The following AKIRIN1 variants were observed in gnomAD, a reference collection of about 807,000 sequenced individuals.
AKIRIN1 encodes the protein akirin 1.
AKIRIN1 carries 4 observed loss-of-function variants against 25.9 expected under a neutral mutation model. The ratio of observed to expected loss-of-function variants is 0.15; its 90% confidence interval spans 0.08 to 0.35. The LOEUF (loss-of-function observed/expected upper bound fraction) is 0.35, where lower values mean the gene tolerates loss of function less well. Ranked by LOEUF, AKIRIN1 falls within the 10% of genes least tolerant of loss-of-function variation. The pLI is 1.00. For synonymous variants in AKIRIN1, 125 were observed against 105.1 expected, an observed-to-expected ratio of 1.19 and a Z score of -1.16; for missense variants, 243 against 266.1, an observed-to-expected ratio of 0.91 and a Z score of 0.61.
chr1:39,001,908 T>C (rs1399897082), intron 3 of AKIRIN1, among the ~76,000 whole-genome samples: 1 of 152,190 alleles, frequency 6.6e-6, no homozygotes, highest in African/African-American at 2.4e-5. Context: ...GTCATAGTTA[T>C]GGATGTGGCG....
chr1:39,002,372 G>A (rs1451445533), intron 3 of AKIRIN1, among the ~76,000 whole-genome samples: 1 of 152,148 alleles, frequency 6.6e-6, no homozygotes, highest in Non-Finnish European at 1.5e-5. Context: ...GAGCTGTTGG[G>A]TTAAGCAAAG....
In AKIRIN1 at chr1:38,998,329, T is replaced by C. The variant is rs1376944625; in HGVS notation, c.361+18T>C. ...CTCTCCAGGTAAGCCCACTTTGATCTGCAAAATTCGCATTAAGAGTTTGTA... is the reference window on the plus strand; with the variant it reads ...CTCTCCAGGTAAGCCCACTTTGATCCGCAAAATTCGCATTAAGAGTTTGTA... On this transcript the variant is annotated intron_variant, in intron 2 of 4. Coordinates refer to ENST00000432648, the MANE Select transcript of AKIRIN1 (RefSeq NM_024595.3). The C allele has an allele frequency of 6.3e-7, 1 of 1,585,122 alleles. No individual in the cohort carries two copies.
In AKIRIN1 at chr1:38,998,155, G is replaced by C. The variant is rs374110853; in HGVS notation, c.221-16G>C. The stretch of plus-strand genomic sequence containing the variant: ...GACAATAAAGTGAAAGCTCAAGTTT[G>C]TTTCTTTTTTATTAGAGCAAATTTT... On this transcript the variant is annotated splice_polypyrimidine_tract_variant and intron_variant, in intron 1 of 4. Coordinates refer to ENST00000432648, the MANE Select transcript of AKIRIN1 (RefSeq NM_024595.3). 3.1e-5 allele frequency: 49 copies of C among 1,598,962 alleles called. No homozygotes were observed. The African/African-American group carries it at 5.9e-4, about 19-fold the overall frequency.
intron 1 of AKIRIN1, among the ~76,000 whole-genome samples, chr1:38,993,457 TAA>T (rs938656724): frequency 7.0e-6 from 1 of 143,752 alleles, no homozygotes. Context: ...GACTCCATCT[TAA>T]AAAAAAAAAA....
At chr1:38,993,102 T>C (rs966814436) in intron 1 of AKIRIN1, among the ~76,000 whole-genome samples, 3 of 152,374 alleles carry the variant, frequency 2.0e-5, no homozygotes, top group Middle Eastern at 3.4e-3. Context: ...TTGGAGTTCA[T>C]ACTTGCGCTA....
At chr1:39,002,676 G>A (rs1404935204) in intron 3 of AKIRIN1, among the ~76,000 whole-genome samples, 2 of 151,958 alleles carry the variant, frequency 1.3e-5, no homozygotes, top group African/African-American at 4.8e-5. Flanking sequence ...GTTGCAGTGA[G>A]CCAAGGTTGC....
At chr1:38,993,631 C>CAAA (rs529279921) in intron 1 of AKIRIN1, among the ~76,000 whole-genome samples, 2 of 109,010 alleles carry the variant, frequency 1.8e-5, no homozygotes, top group Admixed American at 2.0e-4. Context: ...AACTCCATCT[C>CAAA]AAAAAAAAAA....
chr1:38,992,207 G>A (rs1643911846), intron 1 of AKIRIN1, among the ~76,000 whole-genome samples: 1 of 152,100 alleles, frequency 6.6e-6, no homozygotes, highest in African/African-American at 2.4e-5. Flanking sequence ...GCTTGAAATC[G>A]GTAGATCATT....
chr1:39,005,787 A>G lies in AKIRIN1; in HGVS notation c.*1732A>G, dbSNP rs1001646764. The G allele has an allele frequency of 4.6e-5, 7 of 152,172 alleles. No homozygotes were observed. The highest frequency in any genetic ancestry group is 1.7e-4 in the African/African-American group (7 of 41,438). 9.4% of individuals were successfully genotyped at this position (152,172 alleles called of 1,614,324 possible). A position where few individuals can be genotyped will look rare whatever the true frequency, so the allele number is the denominator to read the frequency against. ...GATTCCTTATTAATGAATGTCTTTG[A>G]CTTAAATCTAACCAAAAACTGCAAC... On this transcript the variant is annotated 3_prime_UTR_variant, in exon 5 of 5. Transcript: ENST00000432648.
chr1:38,991,846 C>T (rs1372327451), intron 1 of AKIRIN1, among the ~76,000 whole-genome samples: 1 of 152,100 alleles, frequency 6.6e-6, no homozygotes, highest in Non-Finnish European at 1.5e-5. Flanking sequence ...GGGGTGGACA[C>T]CAAGAGGAAG....
chr1:38,997,332 AC>A (rs1643955216), intron 1 of AKIRIN1, among the ~76,000 whole-genome samples: 1 of 152,100 alleles, frequency 6.6e-6, no homozygotes, highest in South Asian at 2.1e-4. Context: ...CTTTGTGATT[AC>A]CTTGACTTAT....
At chr1:39,000,406 T>G (rs1487301088) in intron 2 of AKIRIN1, among the ~76,000 whole-genome samples, 3 of 150,422 alleles carry the variant, frequency 2.0e-5, no homozygotes, top group African/African-American at 7.3e-5. Flanking sequence ...TGCATGCAGT[T>G]GTGTGATCTC....
chr1:39,000,907 A>G (rs1643986171), intron 2 of AKIRIN1, 65 bp from the exon 3 acceptor site: 1 of 1,507,160 alleles, frequency 6.6e-7, no homozygotes, highest in Non-Finnish European at 8.9e-7. Flanking sequence ...TTGGCCTCCC[A>G]AAGTGCTGGG....
intron 3 of AKIRIN1, among the ~76,000 whole-genome samples, chr1:39,002,293 A>G (rs1423457081): frequency 2.0e-5 from 3 of 152,140 alleles, no homozygotes; most frequent in Non-Finnish European, 4.4e-5. Flanking sequence ...CTGTAACACT[A>G]TTGTTTCCTA....
At chr1:39,001,332 G>C (rs1410592726) in intron 3 of AKIRIN1, among the ~76,000 whole-genome samples, 1 of 147,218 alleles carries the variant, frequency 6.8e-6, no homozygotes, top group Non-Finnish European at 1.5e-5. Context: ...TATTTTCCAG[G>C]CTGACACCAC....
chr1:39,001,545 C>A (rs1242563670), intron 3 of AKIRIN1, among the ~76,000 whole-genome samples: 2 of 151,856 alleles, frequency 1.3e-5, no homozygotes, highest in African/African-American at 2.4e-5. Flanking sequence ...GGATTACAGG[C>A]GTGAGCCACC....
rs777962584 is a variant in AKIRIN1, at chr1:39,003,392, G to A, written c.542G>A (p.Arg181Gln). 8.7e-6 allele frequency: 14 copies of A among 1,613,772 alleles called. No individual in the cohort carries two copies. Among genetic ancestry groups the A allele is most frequent in the Middle Eastern group, 1.7e-4 (1 of 6,060 alleles). Reference sequence around the variant, plus strand: ...AAATTCACACATGATCAGATTATGCGACGGTATGGGACAAGGCCAACAAGC... The same window carrying A: ...AAATTCACACATGATCAGATTATGCAACGGTATGGGACAAGGCCAACAAGC... ...FVKFTHDQIM[R>Q]RYGTRPTSYV... is the part of the protein sequence containing the mutation. Residue 181 changes from arginine to glutamine, a missense_variant, in exon 4 of 5, where the codon CGA (arginine) becomes CAA (glutamine). Physicochemically the swap from Arg to Gln is conservative, Grantham distance 43. Around this residue, in one of 3 missense-constraint regions of AKIRIN1, gnomAD observed 25 missense variants for 45.3 expected, o/e 0.55. Transcript: ENST00000432648.
intron 1 of AKIRIN1, among the ~76,000 whole-genome samples, chr1:38,995,732 T>C (rs1255654840): frequency 6.6e-6 from 1 of 152,218 alleles, no homozygotes; most frequent in Admixed American, 6.5e-5. Context: ...GCTTGAGGAA[T>C]AAGACATCTT....
Position 38,991,522 on chromosome 1 carries a change from C to T in AKIRIN1, c.142C>T (p.Pro48Ser). Residue 48 changes from proline to serine, a missense_variant, in exon 1 of 5, where the codon CCG becomes TCG. By Grantham distance (74) the Pro-to-Ser change is moderately conservative. Transcript: ENST00000432648. The stretch of plus-strand genomic sequence containing the variant: ...GCCCCCGGACGCCGAGCCGCCGCCG[C>T]CGTTTCAGACGCAGACCCCACCGCA... Reference protein sequence around the residue: ...LRPPDAEPPPPFQTQTPPQSL... With the variant: ...LRPPDAEPPPSFQTQTPPQSL... The T allele has an allele frequency of 6.9e-7, 1 of 1,459,112 alleles. No homozygotes were observed. The allele number at this position is 1,459,112 out of a possible 1,614,324, so 90.4% of individuals were successfully genotyped here. A position where few individuals can be genotyped will look rare whatever the true frequency, so the allele number is the denominator to read the frequency against.
Sources: gnomAD v4.1 joint callset for allele counts (sites outside exome capture counted in the v4.1 genomes callset) on GRCh38, gnomAD v4.1.1 for gene constraint, gnomAD v4.1.1 regional missense constraint, MANE v1.5 for transcripts, NCBI Gene and HGNC (gene_info 2026-07-23, HGNC 2026-07-21) for gene names.